FBLN7: variants seen among roughly 807,000 people sequenced by gnomAD.
FBLN7 encodes the protein fibulin-7.
Under a neutral mutation model 44.0 loss-of-function variants are expected in FBLN7, and 31 were observed. The ratio of observed to expected loss-of-function variants is 0.70; its 90% CI spans 0.53 to 0.95. The LOEUF (loss-of-function observed/expected upper bound fraction) is 0.95, where lower values mean the gene tolerates loss of function less well. Among genes scored for constraint, FBLN7 ranks in the 40% least tolerant of loss-of-function variants. The pLI, the probability that FBLN7 is intolerant of heterozygous loss-of-function variation, is 0.00. For missense variants in FBLN7, 573 were observed against 618.5 expected (o/e 0.93, Z 0.78); for synonymous variants, 262 against 253.4 (o/e 1.03, Z -0.32).
downstream of FBLN7, among the ~76,000 whole-genome samples, chr2:112,192,781 C>G (rs185949092): frequency 1.0e-3 from 159 of 152,290 alleles, 1 homozygote; most frequent in African/African-American, 3.7e-3. Flanking sequence ...ACTTTTATGA[C>G]TCTTAGCTTG....
rs770143383 is a variant in FBLN7, at chr2:112,165,159, C to T, written c.394C>T (p.Pro132Ser). 1.9e-6 allele frequency: 3 copies of T among 1,614,150 alleles called. No individual in the cohort carries two copies. The highest frequency in any genetic ancestry group is 2.5e-6 in the Non-Finnish European group (3 of 1,180,020). ...LPNGTWTGEQ[P>S]HCRGISECSS... ...CAATGGCACCTGGACAGGGGAGCAGCCCCACTGTAGAGGTATCGTCTCTCC... is the reference window on the plus strand; with the variant it reads ...CAATGGCACCTGGACAGGGGAGCAGTCCCACTGTAGAGGTATCGTCTCTCC... The change falls in exon 3 of 8, where the codon CCC becomes TCC. Residue 132 changes from proline to serine, a missense_variant. Coordinates refer to ENST00000331203, the MANE Select transcript of FBLN7 (RefSeq NM_153214.3).
the FBLN7 span, among the ~76,000 whole-genome samples, chr2:112,240,977 G>C: frequency 6.9e-6 from 1 of 144,720 alleles, no homozygotes; most frequent in Non-Finnish European, 1.5e-5. Flanking sequence ...GTGTGTGTGT[G>C]TGTGTGTGCG....
At chr2:112,202,966 T>C in the FBLN7 span, among the ~76,000 whole-genome samples, 1 of 152,092 alleles carries the variant, frequency 6.6e-6, no homozygotes, top group African/African-American at 2.4e-5. Context: ...AAACAATCAG[T>C]AGCAATTGTT....
At chr2:112,238,862 G>T in the FBLN7 span, among the ~76,000 whole-genome samples, 1 of 152,188 alleles carries the variant, frequency 6.6e-6, no homozygotes, top group Non-Finnish European at 1.5e-5. Context: ...GATATGAGAG[G>T]ATTACAGTAT....
At chr2:112,167,867 C>CATGTTATGTTATGTTATTT (rs1558885189) in intron 3 of FBLN7, among the ~76,000 whole-genome samples, 1 of 9,148 alleles carries the variant, frequency 1.1e-4, no homozygotes, top group African/African-American at 4.4e-4. Flanking sequence ...CCAGGAAAGA[C>CATGTTATGTTATGTTATTT]ACGTTATGTT....
intron 4 of FBLN7, among the ~76,000 whole-genome samples, chr2:112,178,483 C>G (rs374277036): frequency 6.6e-6 from 1 of 152,094 alleles, no homozygotes; most frequent in South Asian, 2.1e-4. Context: ...GAGGATGGAC[C>G]TCTCCCCAAC....
the FBLN7 span, among the ~76,000 whole-genome samples, chr2:112,196,987 A>G: frequency 2.0e-5 from 3 of 152,010 alleles, no homozygotes; most frequent in Non-Finnish European, 2.9e-5. Context: ...CTTATTCACT[A>G]TCACAAGAAC....
rs777662344 is a variant in FBLN7, at chr2:112,187,515, AG to A, written c.*13del. 6.2e-7 allele frequency: 1 copy of A among 1,613,362 alleles called. No individual in the cohort carries two copies. Among genetic ancestry groups the A allele is most frequent in the East Asian group, 2.2e-5 (1 of 44,868 alleles). On this transcript the variant is annotated 3_prime_UTR_variant, in exon 8 of 8. Transcript: ENST00000331203. This position sits in a 1 kb window ranked among gnomAD's most constrained non-coding sequence, Gnocchi z 5.1. ...CCCCCTATGACTTCTGAGGGTACAC[AG>A]GGGCACTGGGGTGTGGAGAGCTGAC...
At chr2:112,201,947 A>T in the FBLN7 span, among the ~76,000 whole-genome samples, 1 of 152,238 alleles carries the variant, frequency 6.6e-6, no homozygotes, top group Non-Finnish European at 1.5e-5. Context: ...TCACAAATTC[A>T]TTCAGGAAGT....
At chr2:112,169,844 G>T (rs1682357245) in intron 3 of FBLN7, among the ~76,000 whole-genome samples, 2 of 152,166 alleles carry the variant, frequency 1.3e-5, no homozygotes. Context: ...GCAGTTGAGG[G>T]CCTCTGAGCA....
Position 112,179,447 on chromosome 2 carries a change from T to C in FBLN7, c.533-2292T>C, listed in dbSNP as rs570773320. On this transcript the variant is annotated intron_variant, in intron 4 of 7. Coordinates refer to ENST00000331203, the MANE Select transcript of FBLN7 (RefSeq NM_153214.3). ...CAACTTACAGATTCAATGCTATTCC[T>C]ATCAAACTACCAAAGACATTCTTCA... 2.0e-5 allele frequency among the ~76,000 whole-genome samples: 3 copies of C among 152,292 alleles called. No homozygotes were observed. The South Asian group carries it at 6.2e-4, about 32-fold the overall frequency.
At chr2:112,198,799 A>C in the FBLN7 span, among the ~76,000 whole-genome samples, 1 of 152,186 alleles carries the variant, frequency 6.6e-6, no homozygotes, top group Non-Finnish European at 1.5e-5. Context: ...TCCAACCTCC[A>C]GAACTGTGAG....
chr2:112,151,459 A>G (rs1219732593), intron 1 of FBLN7: 1 of 152,092 alleles, frequency 6.6e-6, no homozygotes, highest in East Asian at 1.9e-4. Flanking sequence ...TGCTTTCGTA[A>G]AATCTGTATT....
chr2:112,160,794 ACACACG>A (rs1681804917), intron 2 of FBLN7, among the ~76,000 whole-genome samples: 3 of 138,520 alleles, frequency 2.2e-5, no homozygotes, highest in Non-Finnish European at 4.8e-5. Flanking sequence ...ACGCACACGC[ACACACG>A]CACGCACACA....
intron 1 of FBLN7, among the ~76,000 whole-genome samples, chr2:112,154,774 G>A (rs1230389917): frequency 6.6e-6 from 1 of 152,194 alleles, no homozygotes; most frequent in Non-Finnish European, 1.5e-5. Flanking sequence ...AGGGGAGGGT[G>A]GTGGGTTTGG....
Position 112,149,687 on chromosome 2 carries a change from T to C in FBLN7, c.76-9989T>C, listed in dbSNP as rs556571542. ...CCTTTCAAACTCCCTGCCAGGACTT[T>C]CCATGCTCTTCAGTAACTGCCTGAA... On this transcript the variant is annotated intron_variant, in intron 1 of 7. Transcript: ENST00000331203. 8.5e-5 allele frequency among the ~76,000 whole-genome samples: 13 copies of C among 152,278 alleles called. No homozygotes were observed. In the East Asian group the frequency reaches 1.7e-3, roughly 20 times the overall value.
At chr2:112,158,681 C>T (rs1211778643) in intron 1 of FBLN7, among the ~76,000 whole-genome samples, 3 of 152,098 alleles carry the variant, frequency 2.0e-5, no homozygotes, top group South Asian at 2.1e-4. Context: ...TCACATGATC[C>T]GCTCGGCTCA....
the FBLN7 span, among the ~76,000 whole-genome samples, chr2:112,241,849 C>T: frequency 6.6e-6 from 1 of 152,168 alleles, no homozygotes; most frequent in East Asian, 1.9e-4. Context: ...AACTGTATTT[C>T]AATCAAATCA....
At chr2:112,220,022 TA>T in the FBLN7 span, among the ~76,000 whole-genome samples, 7 of 152,254 alleles carry the variant, frequency 4.6e-5, no homozygotes, top group Non-Finnish European at 8.8e-5. Context: ...TCCGTTCCTT[TA>T]CTTTGAGCCT....
Sources: gnomAD v4.1 joint callset for allele counts (sites outside exome capture counted in the v4.1 genomes callset) on GRCh38, gnomAD v4.1.1 for gene constraint, Gnocchi (gnomAD v3.1) non-coding constraint, MANE v1.5 for transcripts, NCBI Gene and HGNC (gene_info 2026-07-23, HGNC 2026-07-21) for gene names.